The following HDAC9 variants were observed in gnomAD, a reference collection of about 807,000 sequenced individuals.
The protein encoded by HDAC9 is histone deacetylase 9.
Under a neutral mutation model 139.4 loss-of-function variants are expected in HDAC9, and 41 were observed. The ratio of observed to expected loss-of-function variants is 0.29; its 90% CI spans 0.23 to 0.38. HDAC9 has a LOEUF of 0.38. Among genes scored for constraint, HDAC9 ranks in the 10% least tolerant of loss-of-function variants. The probability of loss-of-function intolerance (pLI) is 1.00; values close to 1 mark genes in which losing one functional copy is unlikely to be tolerated. For missense variants in HDAC9, 1,147 were observed against 1,297.0 expected (o/e 0.88, Z 1.78); for synonymous variants, 517 against 476.2 (o/e 1.09, Z -1.12).
chr7:18,434,194 A>G (rs557845647), intron 1 of HDAC9, among the ~76,000 whole-genome samples: 1 of 152,310 alleles, frequency 6.6e-6, no homozygotes, highest in Admixed American at 6.5e-5. Context: ...ATGGCACTGG[A>G]GGAACTAGCT....
chr7:18,307,937 T>A (rs559452988), intron 1 of HDAC9, among the ~76,000 whole-genome samples: 1 of 152,190 alleles, frequency 6.6e-6, no homozygotes, highest in Non-Finnish European at 1.5e-5. Flanking sequence ...GTGGAATATA[T>A]GCACCAATGG....
intron 1 of HDAC9, among the ~76,000 whole-genome samples, chr7:18,478,207 G>A (rs1795273451): frequency 6.6e-6 from 1 of 152,100 alleles, no homozygotes; most frequent in Admixed American, 6.6e-5. Context: ...GAGTAGCTGG[G>A]ACTACAGGCG....
chr7:18,478,358 G>A (rs1263924909), intron 1 of HDAC9, among the ~76,000 whole-genome samples: 4 of 152,154 alleles, frequency 2.6e-5, no homozygotes, highest in African/African-American at 7.2e-5. Context: ...GGCGTGAGCC[G>A]CCACGCCGGG....
At chr7:18,742,743 A>G (rs1234563921) in intron 13 of HDAC9, among the ~76,000 whole-genome samples, 1 of 151,788 alleles carries the variant, frequency 6.6e-6, no homozygotes, top group African/African-American at 2.4e-5. Context: ...TCAAGTTTGT[A>G]TTCAATAGCG....
chr7:18,817,585 C>G (rs776553586), intron 17 of HDAC9, among the ~76,000 whole-genome samples: 5 of 152,144 alleles, frequency 3.3e-5, no homozygotes, highest in African/African-American at 9.7e-5. Flanking sequence ...TATAAAAAAT[C>G]AGAAGTTTAT....
At chr7:18,882,709 G>T (rs1022745224) in intron 22 of HDAC9, among the ~76,000 whole-genome samples, 2 of 151,366 alleles carry the variant, frequency 1.3e-5, no homozygotes, top group African/African-American at 4.8e-5. Flanking sequence ...TGTAATAAAT[G>T]ATTAGGTTGT....
chr7:18,176,538 G>A (rs1233356967), intron 2 of HDAC9, among the ~76,000 whole-genome samples: 2 of 152,078 alleles, frequency 1.3e-5, no homozygotes, highest in Admixed American at 6.6e-5. Flanking sequence ...TCTTCCAAAA[G>A]CCCTGTCTCC....
intron 21 of HDAC9, among the ~76,000 whole-genome samples, chr7:18,838,044 A>C (rs1421770143): frequency 6.6e-6 from 1 of 152,026 alleles, no homozygotes; most frequent in Non-Finnish European, 1.5e-5. Flanking sequence ...TTATTTAAGA[A>C]CCAGATTTAA....
intron 13 of HDAC9, among the ~76,000 whole-genome samples, chr7:18,740,054 A>G (rs1462001010): frequency 6.6e-6 from 1 of 152,216 alleles, no homozygotes; most frequent in African/African-American, 2.4e-5. Context: ...GCAAGGCTCT[A>G]TGAGCGTGGG....
chr7:18,888,491 C>A (rs1308067957), intron 22 of HDAC9, among the ~76,000 whole-genome samples: 2 of 152,174 alleles, frequency 1.3e-5, no homozygotes, highest in Non-Finnish European at 2.9e-5. Context: ...TTTCAATAAA[C>A]AATAGGAAAA....
At chr7:18,595,336 C>G (rs1049599586) in intron 6 of HDAC9, among the ~76,000 whole-genome samples, 4 of 144,284 alleles carry the variant, frequency 2.8e-5, no homozygotes, top group African/African-American at 1.0e-4. Flanking sequence ...ACCCTATTAT[C>G]TGCAAATCAG....
At chr7:18,910,681 C>A (rs1802662743) in intron 22 of HDAC9, among the ~76,000 whole-genome samples, 1 of 151,850 alleles carries the variant, frequency 6.6e-6, no homozygotes, top group South Asian at 2.1e-4. Flanking sequence ...GCTGCGGGTT[C>A]AAATGCTCTT....
At chr7:18,669,087 T>TG (rs1346724706) in intron 12 of HDAC9, among the ~76,000 whole-genome samples, 1 of 151,762 alleles carries the variant, frequency 6.6e-6, no homozygotes, top group Non-Finnish European at 1.5e-5. Flanking sequence ...ATTTTCCTTT[T>TG]GCCAGTGTAA....
At chr7:18,571,830 T>C (rs955287208) in intron 2 of HDAC9, among the ~76,000 whole-genome samples, 2 of 152,134 alleles carry the variant, frequency 1.3e-5, no homozygotes, top group African/African-American at 4.8e-5. Flanking sequence ...GCTTTGTTTC[T>C]CCTACTTTTC....
chr7:18,613,375 CT>C (rs542666598), intron 6 of HDAC9, among the ~76,000 whole-genome samples: 87 of 152,120 alleles, frequency 5.7e-4, no homozygotes, highest in African/African-American at 2.1e-3. Flanking sequence ...ACACTTAACA[CT>C]GGGCTGGAAG....
At chr7:18,103,447 A>G (rs1409022211) in intron 1 of HDAC9, among the ~76,000 whole-genome samples, 1 of 152,204 alleles carries the variant, frequency 6.6e-6, no homozygotes, top group Non-Finnish European at 1.5e-5. Context: ...AATAGTGAAC[A>G]TAGTACCCAA....
intron 1 of HDAC9, among the ~76,000 whole-genome samples, chr7:18,109,777 T>C (rs1343397902): frequency 2.0e-5 from 3 of 152,202 alleles, no homozygotes; most frequent in Non-Finnish European, 2.9e-5. Flanking sequence ...CACTTTAATG[T>C]TGTTAATCTA....
intron 2 of HDAC9, among the ~76,000 whole-genome samples, chr7:18,568,708 A>T (rs1454982511): frequency 1.3e-5 from 2 of 152,174 alleles, no homozygotes; most frequent in Non-Finnish European, 2.9e-5. Context: ...TATAGCAGAG[A>T]GGTAGCTTGG....
chr7:18,928,107 A>G (rs780086953), intron 22 of HDAC9, among the ~76,000 whole-genome samples: 8 of 152,148 alleles, frequency 5.3e-5, no homozygotes, highest in African/African-American at 1.4e-4. Context: ...AGTCTGTTCT[A>G]TTTTACTACA....
Sources: gnomAD v4.1 joint callset for allele counts (sites outside exome capture counted in the v4.1 genomes callset) on GRCh38, gnomAD v4.1.1 for gene constraint, MANE v1.5 for transcripts, NCBI Gene and HGNC (gene_info 2026-07-23, HGNC 2026-07-21) for gene names.